Variants in NOTCH3 observed in about 807,000 individuals in gnomAD.
The protein encoded by NOTCH3 is neurogenic locus notch homolog protein 3.
In NOTCH3, 86 loss-of-function variants were observed where a neutral mutation model predicts 213.3. The observed-to-expected ratio is 0.40, with a 90% CI of 0.34 to 0.48. The LOEUF (loss-of-function observed/expected upper bound fraction) is 0.48. Ranked by LOEUF, NOTCH3 falls within the 20% of genes least tolerant of loss-of-function variation. The pLI is 0.57. For missense variants in NOTCH3, 2,783 were observed against 3,272.6 expected, an observed-to-expected ratio of 0.85 and a Z score of 3.65; for synonymous variants, 1,354 against 1,355.9, an observed-to-expected ratio of 1.00 and a Z score of 0.03.
chr19:15,186,640 A>G (rs1053271582), intron 12 of NOTCH3, among the ~76,000 whole-genome samples: 10 of 152,168 alleles, frequency 6.6e-5, no homozygotes, highest in African/African-American at 2.4e-4. Context: ...CCTGACCTCA[A>G]GTGATCCACT....
Position 15,159,571 on chromosome 19 carries a change from G to T in NOTCH3, c.*1091C>A, listed in dbSNP as rs966719643. 5.5e-5 allele frequency: 12 copies of T among 218,756 alleles called. No homozygotes were observed. The highest frequency in any genetic ancestry group is 2.0e-4 in the African/African-American group (9 of 44,672). The allele number at this position is 218,756 out of a possible 1,614,324, so 13.6% of individuals were successfully genotyped here. Reference sequence around the variant, plus strand: ...ATGGGAGCTCAAGTTAGCCCTGGGTGGGGGAGATAGAAGTCCCACTGCCAC... The same window carrying T: ...ATGGGAGCTCAAGTTAGCCCTGGGTTGGGGAGATAGAAGTCCCACTGCCAC... On this transcript the variant is annotated 3_prime_UTR_variant, in exon 33 of 33. Transcript: ENST00000263388.
At chr19:15,168,146 T>C (rs2046701364) in intron 28 of NOTCH3, among the ~76,000 whole-genome samples, 1 of 152,114 alleles carries the variant, frequency 6.6e-6, no homozygotes, top group Non-Finnish European at 1.5e-5. Flanking sequence ...CACCCCTTAG[T>C]AGCTGGAAGG....
rs2145457446 is a variant in NOTCH3, at chr19:15,200,809, G to A, written c.97C>T (p.Leu33=). ...TCACCTGCAGCCCCCGGCCCCGCTA[G>A]CAGCAGCAGCAGGGGCAGCGCCCGC... is the stretch of plus-strand genomic sequence containing the variant. ...PVRALPLLLL[L]AGPGAAAPPC... Residue 33 remains leucine, a synonymous_variant, in exon 1 of 33, where the codon CTA becomes TTA. Transcript: ENST00000263388. 1 of 1,224,572 alleles carries A rather than the reference G, an allele frequency of 8.2e-7. No homozygotes were observed. Among genetic ancestry groups the A allele is most frequent in the Non-Finnish European group, 1.0e-6 (1 of 968,574 alleles). 75.9% of individuals were successfully genotyped at this position (1,224,572 alleles called of 1,614,324 possible). A position where few individuals can be genotyped will look rare whatever the true frequency, so the allele number is the denominator to read the frequency against.
intron 24 of NOTCH3, 80 bp from the exon 25 acceptor site, chr19:15,174,480 G>T: frequency 9.6e-7 from 1 of 1,040,572 alleles, no homozygotes; most frequent in Non-Finnish European, 1.4e-6. Context: ...TCACACCGTA[G>T]AGTACAGAGA....
At chr19:15,178,606 A>C in intron 23 of NOTCH3, 2 of 603,708 alleles carry the variant, frequency 3.3e-6, no homozygotes, top group South Asian at 1.9e-5. Flanking sequence ...GCTGGTCTCT[A>C]ACTCCTGGCC....
At chr19:15,200,343 C>T (rs1054546346) in intron 1 of NOTCH3, among the ~76,000 whole-genome samples, 3 of 151,628 alleles carry the variant, frequency 2.0e-5, no homozygotes, top group Non-Finnish European at 4.4e-5. Flanking sequence ...TCCCCACCCC[C>T]CGCCTGGCCC....
intron 1 of NOTCH3, among the ~76,000 whole-genome samples, chr19:15,200,088 G>T (rs1050709682): frequency 1.3e-5 from 2 of 151,514 alleles, no homozygotes; most frequent in African/African-American, 4.8e-5. Context: ...AGGGGCTCTG[G>T]CCGCGGGGAG....
In NOTCH3 at chr19:15,185,088, C is replaced by T; in HGVS notation, c.2297-69G>A. The T allele has an allele frequency of 1.6e-6, 2 of 1,243,702 alleles. No homozygotes were observed. Among genetic ancestry groups the T allele is most frequent in the Non-Finnish European group, 2.2e-6 (2 of 890,884 alleles). The allele number at this position is 1,243,702 out of a possible 1,614,324, so 77.0% of individuals were successfully genotyped here. On this transcript the variant is annotated intron_variant, in intron 14 of 32. Coordinates refer to ENST00000263388, the MANE Select transcript of NOTCH3 (RefSeq NM_000435.3). The surrounding 1 kb of genome is among the most constrained non-coding windows in gnomAD (Gnocchi z 4.2). ...ACTCCCTGATCCCATCTCCCCCCAC[C>T]TCCCCCAACCCCAGGGTCCCCACCT...
In NOTCH3 at chr19:15,170,683, G is replaced by A. The variant is rs2145401225; in HGVS notation, c.4879C>T (p.Arg1627Trp). 7.1e-7 allele frequency: 1 copy of A among 1,403,802 alleles called. No individual in the cohort carries two copies. The highest frequency in any genetic ancestry group is 1.2e-5 in the South Asian group (1 of 83,886). 87.0% of individuals were successfully genotyped at this position (1,403,802 alleles called of 1,614,324 possible). Residue 1627 changes from arginine (R) to tryptophan (W), a missense_variant, in exon 26 of 33, where the codon CGG becomes TGG. Around this residue, in one of 6 missense-constraint regions of NOTCH3, gnomAD observed 636 missense variants for 801.8 expected, o/e 0.79. Coordinates refer to ENST00000263388, the MANE Select transcript of NOTCH3 (RefSeq NM_000435.3). ...VERLDFPYPL[R>W]DVRGEPLEPP... ...GGCAGGGCCGCACCCCGCACGTCCC[G>A]CAGTGGGTACGGGAAGTCCAGGCGC...
intron 2 of NOTCH3, 32 bp downstream of exon 2, chr19:15,197,468 G>T: frequency 1.4e-6 from 1 of 732,906 alleles, no homozygotes; most frequent in Non-Finnish European, 2.3e-6. Context: ...CCACACACAG[G>T]GCCCACTGGT....
chr19:15,177,344 C>A (rs1371523597), intron 24 of NOTCH3, among the ~76,000 whole-genome samples, 181 bp downstream of exon 24: 1 of 151,884 alleles, frequency 6.6e-6, no homozygotes, highest in African/African-American at 2.4e-5. Flanking sequence ...ACAAGATAGA[C>A]AGAGCACATG....
rs560666548 is a variant in NOTCH3, at chr19:15,185,832, C to G, written c.1952-153G>C. 4.6e-5 allele frequency among the ~76,000 whole-genome samples: 7 copies of G among 152,306 alleles called. No individual in the cohort carries two copies. Among genetic ancestry groups the G allele is most frequent in the Non-Finnish European group, 5.9e-5 (4 of 68,026 alleles). ...CTTGTGCAGATTAGGACACCCGCCT[C>G]CTCAACCAAGAGCTGACTTGCCCCA... On this transcript the variant is annotated intron_variant, in intron 12 of 32. Coordinates refer to ENST00000263388, the MANE Select transcript of NOTCH3 (RefSeq NM_000435.3). This position sits in a 1 kb window ranked among gnomAD's most constrained non-coding sequence, Gnocchi z 4.2.
chr19:15,179,896 T>C (rs1172303166), intron 20 of NOTCH3, among the ~76,000 whole-genome samples, 176 bp downstream of exon 20: 1 of 150,628 alleles, frequency 6.6e-6, no homozygotes, highest in Non-Finnish European at 1.5e-5. Flanking sequence ...AACAAACAAA[T>C]AAAAAAACAC....
In NOTCH3 at chr19:15,160,697, G is replaced by A. The variant is rs772884755; in HGVS notation, c.6931C>T (p.Pro2311Ser). The change falls in exon 33 of 33, where the codon CCG becomes TCG. Residue 2311 changes from proline (P) to serine (S), a missense_variant. By Grantham distance (74) the Pro-to-Ser change is moderately conservative. This residue lies in a region of NOTCH3 where 441 missense variants were observed against 432.1 expected (regional missense o/e 1.02). Coordinates refer to ENST00000263388, the MANE Select transcript of NOTCH3 (RefSeq NM_000435.3). The part of the protein sequence containing the change: ...AQAQTQLGPQ[P>S]EVTPKRQVLA ...ACTTGCCTCTTGGGGGTAACTTCCG[G>A]CTGGGGCCCCAGCTGGGTCTGGGCC... 1.2e-6 allele frequency: 2 copies of A among 1,614,226 alleles called. No individual in the cohort carries two copies. Among genetic ancestry groups the A allele is most frequent in the Non-Finnish European group, 1.7e-6 (2 of 1,180,030 alleles).
intron 20 of NOTCH3, chr19:15,179,748 G>C (rs954828376): frequency 8.5e-5 from 50 of 591,666 alleles, no homozygotes; most frequent in Non-Finnish European, 1.3e-4. Context: ...TGGGCGTGGT[G>C]GTGGGTGCCT....
At chr19:15,193,605 A>G (rs1000421145) in intron 2 of NOTCH3, among the ~76,000 whole-genome samples, 1 of 151,322 alleles carries the variant, frequency 6.6e-6, no homozygotes, top group African/African-American at 2.4e-5. Context: ...TTTTTCCACA[A>G]AAAAAAATTA....
intron 15 of NOTCH3, 95 bp from the exon 16 acceptor site, chr19:15,184,545 G>T: frequency 8.1e-7 from 1 of 1,233,076 alleles, no homozygotes; most frequent in Non-Finnish European, 1.2e-6. Flanking sequence ...GGCCGAGATG[G>T]GTGAAGGCAA....
Position 15,187,343 on chromosome 19 carries a change from G to A in NOTCH3, c.1607-5C>T, listed in dbSNP as rs372869012. 7.4e-6 allele frequency: 12 copies of A among 1,611,474 alleles called. No individual in the cohort carries two copies. The highest frequency in any genetic ancestry group is 1.0e-5 in the Non-Finnish European group (12 of 1,178,860). ...CACACAGCGTGCCCTCAAAGCCTGTGGGGCCAAGAGGGTCAGGCTCCGCCC... is the reference window on the plus strand; with the variant it reads ...CACACAGCGTGCCCTCAAAGCCTGTAGGGCCAAGAGGGTCAGGCTCCGCCC... On this transcript the variant is annotated splice_polypyrimidine_tract_variant and splice_region_variant and intron_variant, in intron 10 of 32. Transcript: ENST00000263388.
chr19:15,179,029 G>A lies in NOTCH3; in HGVS notation c.3714C>T (p.Phe1238=), dbSNP rs2145417294. ...AGCCCCTTCGCCAACGCTTACCTGAGAAGCCAGCATGACAAAGGCAACGGA... is the reference window on the plus strand; with the variant it reads ...AGCCCCTTCGCCAACGCTTACCTGAAAAGCCAGCATGACAAAGGCAACGGA... The part of the protein sequence containing the change: ...GGFRCLCHAG[F]SGPRCQTVLS... Residue 1238 remains phenylalanine (F), a synonymous_variant, in exon 22 of 33, where the codon TTC becomes TTT. Transcript: ENST00000263388. 1 of 1,614,222 alleles carries A rather than the reference G, an allele frequency of 6.2e-7. No homozygotes were observed.
Sources: allele counts gnomAD v4.1 joint callset (sites outside exome capture counted in the v4.1 genomes callset), GRCh38; gene constraint gnomAD v4.1.1; regional missense constraint gnomAD v4.1.1; non-coding constraint Gnocchi (gnomAD v3.1); transcripts MANE v1.5; gene names NCBI Gene and HGNC (gene_info 2026-07-23, HGNC 2026-07-21).